The following PLXNA4 variants were observed in gnomAD, a reference collection of about 807,000 sequenced individuals.
PLXNA4 encodes plexin-A4.
Under a neutral mutation model 191.8 loss-of-function variants are expected in PLXNA4, and 44 were observed. That is an observed-to-expected ratio of 0.23 (90% CI 0.18 to 0.29). The LOEUF is 0.29. PLXNA4 is among the 10% of genes least tolerant of loss of function. The pLI is 1.00. For synonymous variants in PLXNA4, 1,082 were observed against 1,009.5 expected, an observed-to-expected ratio of 1.07 and a Z score of -1.36; for missense variants, 1,800 against 2,488.8, an observed-to-expected ratio of 0.72 and a Z score of 5.89.
intron 2 of PLXNA4, among the ~76,000 whole-genome samples, chr7:132,629,416 T>C (rs924024144): frequency 2.6e-5 from 4 of 152,222 alleles, no homozygotes; most frequent in African/African-American, 9.6e-5. Context: ...ATTATTCTAA[T>C]GCTGAGTGCA....
At chr7:132,561,534 TCTC>T (rs1179336574) in intron 1 of PLXNA4, among the ~76,000 whole-genome samples, 1 of 56,094 alleles carries the variant, frequency 1.8e-5, no homozygotes, top group African/African-American at 9.3e-5. Context: ...TCCTCCTCCT[TCTC>T]CTCCTCCTTC....
intron 1 of PLXNA4, among the ~76,000 whole-genome samples, chr7:132,561,527 T>TC (rs1244308229): frequency 9.8e-6 from 1 of 102,282 alleles, no homozygotes; most frequent in African/African-American, 4.8e-5. Context: ...CTTCTCCTCC[T>TC]CCTCCTTCTC....
At chr7:132,226,443 G>A (rs754779945) in intron 7 of PLXNA4, among the ~76,000 whole-genome samples, 183 bp from the exon 8 acceptor site, 19 of 152,182 alleles carry the variant, frequency 1.2e-4, no homozygotes, top group Non-Finnish European at 2.5e-4. Context: ...GGCAGTTCTT[G>A]TCTATTCTCC....
chr7:132,309,280 C>T (rs904869230), intron 3 of PLXNA4, among the ~76,000 whole-genome samples: 2 of 152,110 alleles, frequency 1.3e-5, no homozygotes, highest in Non-Finnish European at 2.9e-5. Flanking sequence ...AGCCTGGCCT[C>T]GCTGAGAGAT....
chr7:132,494,175 T>C (rs1272092050), intron 2 of PLXNA4, among the ~76,000 whole-genome samples: 1 of 152,214 alleles, frequency 6.6e-6, no homozygotes, highest in East Asian at 1.9e-4. Context: ...AAGGGGCTAA[T>C]GTTGTGAAGA....
rs138537224 is a variant in PLXNA4, at chr7:132,157,802, A to G, written c.4660+1671T>C. 6.3e-3 allele frequency among the ~76,000 whole-genome samples: 964 copies of G among 152,332 alleles called. 1 individual carries two copies. Among genetic ancestry groups the G allele is most frequent in the Middle Eastern group, 0.02 (6 of 294 alleles). Reference sequence around the variant, plus strand: ...AACTCAATTCTCCCTGGAAAAACCCATTAAGGAGTATTCCACTCAATTGTT... The same window carrying G: ...AACTCAATTCTCCCTGGAAAAACCCGTTAAGGAGTATTCCACTCAATTGTT... On this transcript the variant is annotated intron_variant, in intron 25 of 31. Coordinates refer to ENST00000321063, the MANE Select transcript of PLXNA4 (RefSeq NM_020911.2).
intron 4 of PLXNA4, among the ~76,000 whole-genome samples, chr7:132,282,665 G>GCAGTAGTT (rs1800528973): frequency 1.1e-5 from 1 of 93,030 alleles, no homozygotes; most frequent in South Asian, 3.7e-4. Flanking sequence ...AAAAAAAGAA[G>GCAGTAGTT]CAGTAGTTCT....
intron 24 of PLXNA4, among the ~76,000 whole-genome samples, chr7:132,163,823 G>A (rs1314990007): frequency 6.6e-6 from 1 of 152,206 alleles, no homozygotes; most frequent in Non-Finnish European, 1.5e-5. Context: ...TTGACTCTAA[G>A]CTGGGAGGAC....
At chr7:132,369,488 C>T (rs1804336686) in intron 3 of PLXNA4, among the ~76,000 whole-genome samples, 2 of 152,094 alleles carry the variant, frequency 1.3e-5, no homozygotes, top group South Asian at 4.1e-4. Context: ...CTAATGCTTG[C>T]ACTGGCTTGG....
intron 9 of PLXNA4, among the ~76,000 whole-genome samples, chr7:132,220,641 G>A (rs977518359): frequency 9.9e-5 from 15 of 151,580 alleles, no homozygotes; most frequent in African/African-American, 3.6e-4. Context: ...CCTTTCTCCG[G>A]GGCCCTGGCA....
At chr7:132,583,715 C>T (rs1245724119) in intron 2 of PLXNA4, among the ~76,000 whole-genome samples, 5 of 152,230 alleles carry the variant, frequency 3.3e-5, no homozygotes, top group Non-Finnish European at 5.9e-5. Flanking sequence ...GCTCCATTCT[C>T]CTTCTGGCCC....
intron 4 of PLXNA4, among the ~76,000 whole-genome samples, chr7:132,259,436 C>A (rs1361704832): frequency 3.0e-5 from 1 of 33,854 alleles, no homozygotes; most frequent in Non-Finnish European, 5.1e-5. Context: ...AACTCCAACT[C>A]AAAAAAAAAA....
At chr7:132,281,236 G>A (rs1584940375) in intron 4 of PLXNA4, among the ~76,000 whole-genome samples, 1 of 152,242 alleles carries the variant, frequency 6.6e-6, no homozygotes, top group Non-Finnish European at 1.5e-5. Context: ...TAACTGAAAA[G>A]GACACCTCAC....
intron 9 of PLXNA4, among the ~76,000 whole-genome samples, chr7:132,211,711 G>A (rs1438099215): frequency 6.6e-6 from 1 of 152,226 alleles, no homozygotes; most frequent in Non-Finnish European, 1.5e-5. Context: ...CATAAATCCA[G>A]AAAGCTTCTG....
In PLXNA4 at chr7:132,475,488, C is replaced by G. The variant is rs868846285; in HGVS notation, c.1371+13804G>C. ...GGTATCTACCCTTGATGCCAGGAAC[C>G]GCTCTGTCACTGCATCCCCCAATCC... On this transcript the variant is annotated intron_variant, in intron 3 of 31. Coordinates refer to ENST00000321063, the MANE Select transcript of PLXNA4 (RefSeq NM_020911.2). 2.0e-5 allele frequency among the ~76,000 whole-genome samples: 3 copies of G among 152,120 alleles called. No homozygotes were observed. The South Asian group carries it at 6.2e-4, about 31-fold the overall frequency.
intron 2 of PLXNA4, among the ~76,000 whole-genome samples, chr7:132,638,720 A>G (rs1410419498): frequency 6.6e-6 from 1 of 151,728 alleles, no homozygotes; most frequent in East Asian, 1.9e-4. Context: ...TCACATCTTC[A>G]CTCTCTTTTA....
At chr7:132,585,914 G>A (rs1343265941) in intron 2 of PLXNA4, among the ~76,000 whole-genome samples, 2 of 152,200 alleles carry the variant, frequency 1.3e-5, no homozygotes, top group African/African-American at 4.8e-5. Context: ...AGAGTGGGAT[G>A]ACACATTTAG....
intron 3 of PLXNA4, among the ~76,000 whole-genome samples, chr7:132,362,415 T>C (rs1803982822): frequency 1.3e-5 from 2 of 152,228 alleles, no homozygotes; most frequent in Non-Finnish European, 2.9e-5. Context: ...TTTCTATGCA[T>C]CTTCAAAACT....
intron 3 of PLXNA4, among the ~76,000 whole-genome samples, chr7:132,301,042 TGGA>T (rs772393805): frequency 1.3e-5 from 2 of 152,156 alleles, no homozygotes; most frequent in Non-Finnish European, 2.9e-5. Context: ...AAGCACCAAC[TGGA>T]CAAGGTTCCA....
Sources: gnomAD v4.1 joint callset for allele counts (sites outside exome capture counted in the v4.1 genomes callset) on GRCh38, gnomAD v4.1.1 for gene constraint, MANE v1.5 for transcripts, NCBI Gene and HGNC (gene_info 2026-07-23, HGNC 2026-07-21) for gene names.